The following CMSS1 variants were observed in gnomAD, a reference collection of about 807,000 sequenced individuals.
CMSS1 encodes the protein cms1 ribosomal small subunit homolog, also known as protein CMSS1.
CMSS1 carries 33 observed loss-of-function variants against 43.5 expected under a neutral mutation model. The observed-to-expected ratio is 0.76, with a 90% CI of 0.57 to 1.01. The LOEUF is 1.01. Among genes scored for constraint, CMSS1 ranks in the 50% least tolerant of loss-of-function variants. The pLI, the probability that CMSS1 is intolerant of heterozygous loss-of-function variation, is 0.00. For synonymous variants in CMSS1, 115 were observed against 117.2 expected, an observed-to-expected ratio of 0.98 and a Z score of 0.12; for missense variants, 313 against 326.4, an observed-to-expected ratio of 0.96 and a Z score of 0.32.
At chr3:99,994,995 C>T (rs572404552) in intron 1 of CMSS1, among the ~76,000 whole-genome samples, 7 of 152,260 alleles carry the variant, frequency 4.6e-5, no homozygotes, top group Admixed American at 3.9e-4. Flanking sequence ...CCCCTGGCCC[C>T]TCCAAATCTC....
chr3:100,141,714 T>A, intron 1 of CMSS1: 1 of 368,544 alleles, frequency 2.7e-6, no homozygotes. Flanking sequence ...AAGGACAGTG[T>A]ACTTGATGAC....
chr3:99,863,513 T>G (rs1944363268), intron 1 of CMSS1, among the ~76,000 whole-genome samples: 1 of 152,216 alleles, frequency 6.6e-6, no homozygotes, highest in South Asian at 2.1e-4. Context: ...TTTTATAATT[T>G]TTTTGACTCT....
intron 1 of CMSS1, among the ~76,000 whole-genome samples, chr3:100,093,055 A>G (rs2066140585): frequency 6.6e-6 from 1 of 152,134 alleles, no homozygotes; most frequent in South Asian, 2.1e-4. Context: ...TTACTAGATA[A>G]CTGCAGAAAT....
At chr3:99,985,649 C>T (rs910166231) in intron 1 of CMSS1, among the ~76,000 whole-genome samples, 7 of 151,678 alleles carry the variant, frequency 4.6e-5, no homozygotes, top group African/African-American at 1.2e-4. Context: ...AGTGCAATGG[C>T]ATGATCTCGG....
chr3:99,969,942 A>G (rs1317313495), intron 1 of CMSS1, among the ~76,000 whole-genome samples: 1 of 152,226 alleles, frequency 6.6e-6, no homozygotes, highest in African/African-American at 2.4e-5. Context: ...AGATAATTGG[A>G]TAATATGAAA....
intron 6 of CMSS1, among the ~76,000 whole-genome samples, chr3:100,171,304 T>C (rs1421450616): frequency 1.3e-5 from 2 of 152,012 alleles, no homozygotes; most frequent in African/African-American, 4.8e-5. Flanking sequence ...GTCTACAAAG[T>C]AGATAAGAAA....
chr3:100,092,425 C>CT (rs1030216490), intron 1 of CMSS1, among the ~76,000 whole-genome samples: 2 of 151,332 alleles, frequency 1.3e-5, no homozygotes, highest in African/African-American at 2.4e-5. Flanking sequence ...AGAAGTTTGG[C>CT]TTTTTTTTAA....
intron 1 of CMSS1, among the ~76,000 whole-genome samples, chr3:99,985,689 A>G (rs1559714732): frequency 6.6e-6 from 1 of 151,974 alleles, no homozygotes; most frequent in Admixed American, 6.6e-5. Flanking sequence ...CCTGGGTTCA[A>G]GCAATTCTCC....
At chr3:99,988,568 C>A (rs994622938) in intron 1 of CMSS1, among the ~76,000 whole-genome samples, 1 of 149,398 alleles carries the variant, frequency 6.7e-6, no homozygotes, top group African/African-American at 2.5e-5. Flanking sequence ...TGAAATATAT[C>A]TTCAATTCTG....
At chr3:99,851,759 C>T (rs887743522) in intron 1 of CMSS1, among the ~76,000 whole-genome samples, 10 of 152,212 alleles carry the variant, frequency 6.6e-5, no homozygotes, top group Non-Finnish European at 1.3e-4. Flanking sequence ...AAGTTATGCA[C>T]TTCACTGATA....
chr3:99,970,842 G>A (rs1391137710), intron 1 of CMSS1, among the ~76,000 whole-genome samples: 1 of 152,198 alleles, frequency 6.6e-6, no homozygotes, highest in Middle Eastern at 3.2e-3. Flanking sequence ...GCAAAATGTT[G>A]TGAGGATATT....
At chr3:100,033,760 G>C (rs2065060720) in intron 1 of CMSS1, among the ~76,000 whole-genome samples, 1 of 152,126 alleles carries the variant, frequency 6.6e-6, no homozygotes, top group Non-Finnish European at 1.5e-5. Flanking sequence ...ACTCAGCCCT[G>C]TTCTTGCTCC....
intron 1 of CMSS1, among the ~76,000 whole-genome samples, chr3:99,972,638 A>G (rs1437010492): frequency 2.0e-5 from 3 of 152,190 alleles, no homozygotes; most frequent in Non-Finnish European, 4.4e-5. Flanking sequence ...GTGCTTATGA[A>G]ATGAGCCCAT....
intron 1 of CMSS1, among the ~76,000 whole-genome samples, chr3:99,885,608 A>G (rs1705866855): frequency 6.6e-6 from 1 of 152,260 alleles, no homozygotes; most frequent in South Asian, 2.1e-4. Context: ...AAAGTGGCTT[A>G]GGGCTCACTT....
At chr3:100,085,051 C>T (rs568263434) in intron 1 of CMSS1, among the ~76,000 whole-genome samples, 197 of 152,288 alleles carry the variant, frequency 1.3e-3, no homozygotes, top group African/African-American at 4.6e-3. Flanking sequence ...TGGTACAGAT[C>T]TCTGCTGAAT....
chr3:99,873,123 T>C (rs1705321556), intron 1 of CMSS1, among the ~76,000 whole-genome samples: 1 of 152,094 alleles, frequency 6.6e-6, no homozygotes, highest in South Asian at 2.1e-4. Context: ...CTAGAAAATG[T>C]TGTGGTGATG....
chr3:99,832,857 A>AAAT (rs1942736323), intron 1 of CMSS1, among the ~76,000 whole-genome samples: 1 of 139,264 alleles, frequency 7.2e-6, no homozygotes, highest in African/African-American at 2.7e-5. Context: ...AAAAAAAAAA[A>AAAT]GTTGTTTTTT....
intron 1 of CMSS1, among the ~76,000 whole-genome samples, chr3:99,992,114 G>T (rs1709541985): frequency 6.6e-6 from 1 of 151,438 alleles, no homozygotes; most frequent in Non-Finnish European, 1.5e-5. Flanking sequence ...ATTGTGCATT[G>T]TGCTGTGATA....
chr3:100,106,797 C>T (rs56227134), intron 1 of CMSS1, among the ~76,000 whole-genome samples: 2,231 of 152,220 alleles, frequency 0.015, 55 homozygotes, highest in African/African-American at 0.052. Flanking sequence ...AACCTAATGC[C>T]CTGATCCCTG....
Sources: allele counts gnomAD v4.1 joint callset (sites outside exome capture counted in the v4.1 genomes callset), GRCh38; gene constraint gnomAD v4.1.1; transcripts MANE v1.5; gene names NCBI Gene and HGNC (gene_info 2026-07-23, HGNC 2026-07-21).